The following VEPH1 variants were observed in gnomAD, a reference collection of about 807,000 sequenced individuals.
VEPH1 encodes the protein ventricular zone expressed PH domain containing 1.
In VEPH1, 80 loss-of-function variants were observed where a neutral mutation model predicts 85.2. That is an observed-to-expected ratio of 0.94 (90% CI 0.78 to 1.13). The LOEUF is 1.13. Among genes scored for constraint, VEPH1 ranks in the 50% most tolerant of loss-of-function variants. The pLI is 0.00. For missense variants in VEPH1, 955 were observed against 980.5 expected (o/e 0.97, Z 0.35); for synonymous variants, 297 against 348.0 (o/e 0.85, Z 1.63).
At chr3:157,330,776 C>T (rs1170850083) in intron 9 of VEPH1, among the ~76,000 whole-genome samples, 1 of 152,100 alleles carries the variant, frequency 6.6e-6, no homozygotes, top group Non-Finnish European at 1.5e-5. Context: ...GCAGGTTTTG[C>T]CCCAGCCACA....
intron 11 of VEPH1, among the ~76,000 whole-genome samples, chr3:157,307,560 T>G (rs1196512216): frequency 6.6e-6 from 1 of 151,928 alleles, no homozygotes; most frequent in Non-Finnish European, 1.5e-5. Context: ...TACCAAGCTT[T>G]CATATATGAT....
intron 9 of VEPH1, among the ~76,000 whole-genome samples, chr3:157,348,588 T>TA (rs1327641014): frequency 3.3e-5 from 5 of 152,350 alleles, no homozygotes; most frequent in Middle Eastern, 6.8e-3. Context: ...TCCCCATTTT[T>TA]AAATCAGATT....
At chr3:157,370,495 T>C (rs1727368490) in intron 7 of VEPH1, among the ~76,000 whole-genome samples, 1 of 152,182 alleles carries the variant, frequency 6.6e-6, no homozygotes, top group African/African-American at 2.4e-5. Context: ...TCTTCAGTAA[T>C]CTCTTGGGTC....
intron 2 of VEPH1, chr3:157,489,175 G>T (rs1491000791): frequency 1.1e-5 from 5 of 456,284 alleles, no homozygotes; most frequent in Non-Finnish European, 1.8e-5. Flanking sequence ...TCCCAAAACA[G>T]GAATAGAAAA....
chr3:157,367,395 C>T (rs564829684), intron 7 of VEPH1, among the ~76,000 whole-genome samples: 3 of 152,222 alleles, frequency 2.0e-5, no homozygotes, highest in African/African-American at 7.2e-5. Context: ...TTTTACAAAC[C>T]ATGATGATTG....
intron 11 of VEPH1, among the ~76,000 whole-genome samples, chr3:157,308,282 C>T (rs1327598053): frequency 4.0e-5 from 6 of 151,822 alleles, no homozygotes; most frequent in Non-Finnish European, 8.8e-5. Context: ...GACAGGTATC[C>T]TTGTTTAATT....
intron 4 of VEPH1, among the ~76,000 whole-genome samples, chr3:157,448,258 G>GAA (rs1734700628): frequency 1.3e-5 from 2 of 152,020 alleles, no homozygotes; most frequent in African/African-American, 4.8e-5. Flanking sequence ...AAGTAAAAAA[G>GAA]GAATTTGGAC....
intron 4 of VEPH1, chr3:157,436,981 G>A (rs1733638331): frequency 1.9e-6 from 3 of 1,613,920 alleles, no homozygotes; most frequent in Middle Eastern, 1.6e-4. Context: ...CTGCAGTGTT[G>A]GCCGAGAACT....
chr3:157,436,371 TA>T (rs1733577490), intron 4 of VEPH1, among the ~76,000 whole-genome samples: 1 of 152,188 alleles, frequency 6.6e-6, no homozygotes. Context: ...GAGCCATAAC[TA>T]TTCTTAATAT....
At chr3:157,471,006 A>T (rs947624055) in intron 2 of VEPH1, among the ~76,000 whole-genome samples, 4 of 152,090 alleles carry the variant, frequency 2.6e-5, no homozygotes, top group Non-Finnish European at 2.9e-5. Flanking sequence ...TACAAAACCC[A>T]TTTTACCTTT....
At chr3:157,451,826 G>A (rs937360824) in intron 4 of VEPH1, among the ~76,000 whole-genome samples, 13 of 152,136 alleles carry the variant, frequency 8.5e-5, no homozygotes, top group Non-Finnish European at 1.6e-4. Context: ...ATTTATGGGT[G>A]ACAAGAACCT....
Position 157,428,326 on chromosome 3 carries a change from AGTT to A in VEPH1, c.689_691del (p.Gln230del). 2 of 1,613,988 alleles carry A rather than the reference AGTT, an allele frequency of 1.2e-6. No homozygotes were observed. Among genetic ancestry groups the A allele is most frequent in the East Asian group, 2.2e-5 (1 of 44,880 alleles). ...CATATACAATGTACTTTTTACCTCG[AGTT>A]GTTTTTTCTTTGCTGCTACATGCAA... On this transcript the variant is annotated inframe_deletion, in exon 5 of 14. Transcript: ENST00000362010.
intron 6 of VEPH1, among the ~76,000 whole-genome samples, chr3:157,391,941 GAAA>G: frequency 5.7e-5 from 1 of 17,558 alleles, no homozygotes; most frequent in East Asian, 3.0e-3. Context: ...CACTCTTAAA[GAAA>G]AGAAATTTCA....
chr3:157,481,017 T>C (rs777666655), intron 2 of VEPH1, among the ~76,000 whole-genome samples: 14 of 152,148 alleles, frequency 9.2e-5, no homozygotes, highest in Non-Finnish European at 1.8e-4. Context: ...TAGTATCTCA[T>C]TGTGATTTTG....
chr3:157,345,640 G>T (rs1724126405), intron 9 of VEPH1, among the ~76,000 whole-genome samples: 1 of 152,168 alleles, frequency 6.6e-6, no homozygotes, highest in Non-Finnish European at 1.5e-5. Flanking sequence ...CAAGGATCTA[G>T]AACTAGAAAT....
At chr3:157,408,734 G>A (rs1731318361) in intron 6 of VEPH1, among the ~76,000 whole-genome samples, 1 of 152,102 alleles carries the variant, frequency 6.6e-6, no homozygotes, top group Non-Finnish European at 1.5e-5. Flanking sequence ...ATTTGAGCTG[G>A]GTCAGGTAAG....
intron 2 of VEPH1, chr3:157,493,244 G>T (rs1223911015): frequency 2.2e-6 from 1 of 456,304 alleles, no homozygotes; most frequent in South Asian, 1.6e-5. Context: ...AATCTTCTGT[G>T]CTGGAAGTTG....
At position 157,364,413 on chromosome 3, in the gene VEPH1, G is replaced by A; in HGVS notation, c.1227C>T (p.Ile409=). The A allele has an allele frequency of 2.5e-6, 4 of 1,613,968 alleles. No individual in the cohort carries two copies. The highest frequency in any genetic ancestry group is 3.4e-6 in the Non-Finnish European group (4 of 1,179,946). ...CATTTATCTTGTCTTCAAAAGCCTG[G>A]ATTTTAACTTGGAGTTTTTCATGGT... ...NEDHEKLQVK[I]QAFEDKINAG... The change falls in exon 8 of 14, where the codon ATC becomes ATT. Residue 409 remains isoleucine (I), a synonymous_variant. Coordinates refer to ENST00000362010, the MANE Select transcript of VEPH1 (RefSeq NM_001167912.2).
rs142118388 is a variant in VEPH1 at position 157,434,420 on chromosome 3, T to A, written c.530-5932A>T. On this transcript the variant is annotated intron_variant, in intron 4 of 13. Transcript: ENST00000362010. ...TCCACTTCCCAGGCTCAAGTGATCCTCCTGCCTCAGCCTCCTGAGTAGCTG... is the reference window on the plus strand; with the variant it reads ...TCCACTTCCCAGGCTCAAGTGATCCACCTGCCTCAGCCTCCTGAGTAGCTG... 7.3e-3 allele frequency among the ~76,000 whole-genome samples: 1,106 copies of A among 152,272 alleles called. 14 individuals carry two copies. The highest frequency in any genetic ancestry group is 0.025 in the African/African-American group (1,040 of 41,534).
Sources: allele counts gnomAD v4.1 joint callset (sites outside exome capture counted in the v4.1 genomes callset), GRCh38; gene constraint gnomAD v4.1.1; transcripts MANE v1.5; gene names NCBI Gene and HGNC (gene_info 2026-07-23, HGNC 2026-07-21).